The following EIF2AK4 variants were observed in gnomAD, a reference collection of about 807,000 sequenced individuals.
The protein encoded by EIF2AK4 is eukaryotic translation initiation factor 2 alpha kinase 4, also known as eIF-2-alpha kinase GCN2.
In EIF2AK4, 139 loss-of-function variants were observed where a neutral mutation model predicts 211.1. That is an observed-to-expected ratio of 0.66 (90% confidence interval 0.57 to 0.76). The LOEUF is 0.76. EIF2AK4 is among the 30% of genes least tolerant of loss of function. EIF2AK4 has a pLI of 0.00. For synonymous variants in EIF2AK4, 710 were observed against 751.3 expected, an observed-to-expected ratio of 0.94 and a Z score of 0.90; for missense variants, 1,664 against 2,043.8, an observed-to-expected ratio of 0.81 and a Z score of 3.58.
chr15:40,003,434 T>C, intron 23 of EIF2AK4, 120 bp downstream of exon 23: 2 of 1,447,450 alleles, frequency 1.4e-6, no homozygotes, highest in Non-Finnish European at 1.8e-6. Flanking sequence ...GGGAAATGTA[T>C]TCTTGAGGAA....
chr15:39,945,806 C>T (rs997424305), intron 3 of EIF2AK4, among the ~76,000 whole-genome samples: 1 of 152,182 alleles, frequency 6.6e-6, no homozygotes, highest in African/African-American at 2.4e-5. Context: ...GTTCACTTAC[C>T]ATGCCCAAAG....
intron 27 of EIF2AK4, among the ~76,000 whole-genome samples, chr15:40,012,441 A>G (rs1183517424): frequency 6.6e-6 from 1 of 152,240 alleles, no homozygotes; most frequent in African/African-American, 2.4e-5. Context: ...GGAGATAGTA[A>G]TGATATGCAA....
At chr15:40,032,058 T>C (rs1413158638) in intron 35 of EIF2AK4, 111 bp from the exon 36 acceptor site, 1 of 951,720 alleles carries the variant, frequency 1.1e-6, no homozygotes, top group Admixed American at 1.8e-5. Flanking sequence ...TTTGGAATCC[T>C]TTCTAGGCTT....
chr15:39,972,161 C>T (rs2034633761), intron 9 of EIF2AK4, among the ~76,000 whole-genome samples: 1 of 151,902 alleles, frequency 6.6e-6, no homozygotes, highest in South Asian at 2.1e-4. Context: ...GAGTTGGAGA[C>T]CAGCCTGGGC....
At chr15:40,009,001 C>T (rs1264798536) in intron 25 of EIF2AK4, among the ~76,000 whole-genome samples, 1 of 152,174 alleles carries the variant, frequency 6.6e-6, no homozygotes, top group Non-Finnish European at 1.5e-5. Context: ...ACTACTGGAC[C>T]AGATCCTTCT....
intron 34 of EIF2AK4, among the ~76,000 whole-genome samples, chr15:40,030,081 CCT>C (rs2035518904): frequency 6.6e-6 from 1 of 152,052 alleles, no homozygotes; most frequent in Non-Finnish European, 1.5e-5. Context: ...TTCTTAGGCC[CCT>C]GAGGTTTTGA....
chr15:40,029,486 T>C, intron 34 of EIF2AK4, 22 bp downstream of exon 34: 1 of 1,606,028 alleles, frequency 6.2e-7, no homozygotes, highest in East Asian at 2.2e-5. Context: ...AATTATAATC[T>C]GAACATAATG....
intron 34 of EIF2AK4, among the ~76,000 whole-genome samples, 160 bp from the exon 35 acceptor site, chr15:40,030,199 G>C (rs566905591): frequency 1.3e-5 from 2 of 152,074 alleles, no homozygotes; most frequent in Non-Finnish European, 2.9e-5. Context: ...TCACCTATCC[G>C]GTGCAGATGG....
intron 13 of EIF2AK4, among the ~76,000 whole-genome samples, chr15:39,984,267 G>C (rs2034834363): frequency 1.3e-5 from 2 of 152,212 alleles, no homozygotes; most frequent in African/African-American, 4.8e-5. Flanking sequence ...TTGTAGTATA[G>C]TTTGAAGTCA....
At chr15:39,956,794 A>G (rs2034398523) in intron 6 of EIF2AK4, among the ~76,000 whole-genome samples, 2 of 152,208 alleles carry the variant, frequency 1.3e-5, no homozygotes, top group South Asian at 4.1e-4. Flanking sequence ...CTCTAAGCAC[A>G]ACTTAAAACC....
intron 11 of EIF2AK4, among the ~76,000 whole-genome samples, chr15:39,975,870 C>A (rs1449292494): frequency 6.6e-6 from 1 of 152,116 alleles, no homozygotes; most frequent in Non-Finnish European, 1.5e-5. Flanking sequence ...GTATAAATGC[C>A]ATTTTAAAGA....
chr15:39,988,228 A>G (rs1265667493), intron 15 of EIF2AK4, 123 bp downstream of exon 15: 9 of 1,031,378 alleles, frequency 8.7e-6, no homozygotes, highest in African/African-American at 1.6e-5. Flanking sequence ...GTATATTGAC[A>G]TAATCTATTT....
chr15:39,977,835 G>A, intron 12 of EIF2AK4: 1 of 306,488 alleles, frequency 3.3e-6, no homozygotes, highest in Non-Finnish European at 6.0e-6. Context: ...TACAGTTTAT[G>A]ATTACTCTTC....
chr15:40,032,056 C>G (rs1294690557), intron 35 of EIF2AK4, 113 bp from the exon 36 acceptor site: 5 of 926,734 alleles, frequency 5.4e-6, no homozygotes, highest in Non-Finnish European at 7.0e-6. Flanking sequence ...CATTTGGAAT[C>G]CTTTCTAGGC....
chr15:40,010,629 G>A (rs1567004084), intron 26 of EIF2AK4, among the ~76,000 whole-genome samples: 1 of 152,134 alleles, frequency 6.6e-6, no homozygotes. Context: ...AACAGCACCA[G>A]AAGTCTATGG....
chr15:39,967,200 T>C, intron 8 of EIF2AK4, 144 bp from the exon 9 acceptor site: 1 of 916,764 alleles, frequency 1.1e-6, no homozygotes, highest in Non-Finnish European at 1.6e-6. Context: ...TGAAAGTATA[T>C]TTTCTATCAA....
rs1176347295 is a variant in EIF2AK4, at chr15:39,967,759, A to G, written c.1433A>G (p.Lys478Arg). 6.2e-7 allele frequency: 1 copy of G among 1,614,040 alleles called. No individual in the cohort carries two copies. Among genetic ancestry groups the G allele is most frequent in the East Asian group, 2.2e-5 (1 of 44,900 alleles). Residue 478 changes from lysine to arginine, a missense_variant, in exon 9 of 39, where the codon AAA becomes AGA. Physicochemically the swap from Lys to Arg is conservative, Grantham distance 26. This residue lies in a region of EIF2AK4 where 641 missense variants were observed against 729.6 expected (regional missense o/e 0.88). Transcript: ENST00000263791. ...GCTCTGCCTTATAAAACGGGGAAGA[A>G]AGGAGATGTTTGGCGTCTTGGCCTT... ...DNALPYKTGK[K>R]GDVWRLGLLL...
At chr15:39,982,086 G>A (rs987568791) in intron 13 of EIF2AK4, among the ~76,000 whole-genome samples, 14 of 152,020 alleles carry the variant, frequency 9.2e-5, no homozygotes, top group East Asian at 1.9e-4. Context: ...CACCATGCCC[G>A]GCTAATTTTT....
chr15:40,012,434 G>C (rs1595429168), intron 27 of EIF2AK4, among the ~76,000 whole-genome samples: 2 of 152,306 alleles, frequency 1.3e-5, no homozygotes, highest in African/African-American at 4.8e-5. Flanking sequence ...TATTGGGGGA[G>C]ATAGTAATGA....
Sources: gnomAD v4.1 joint callset for allele counts (sites outside exome capture counted in the v4.1 genomes callset) on GRCh38, gnomAD v4.1.1 for gene constraint, gnomAD v4.1.1 regional missense constraint, MANE v1.5 for transcripts, NCBI Gene and HGNC (gene_info 2026-07-23, HGNC 2026-07-21) for gene names.